Variants in TNRC6A observed in about 807,000 individuals in gnomAD.
The protein encoded by TNRC6A is trinucleotide repeat-containing gene 6A protein.
Under a neutral mutation model 221.2 loss-of-function variants are expected in TNRC6A, and 44 were observed. The ratio of observed to expected loss-of-function variants is 0.20; its 90% CI spans 0.16 to 0.26. The LOEUF is 0.26. TNRC6A is among the 10% of genes least tolerant of loss of function. TNRC6A has a pLI of 1.00. For missense variants in TNRC6A, 2,199 were observed against 2,404.4 expected (o/e 0.91, Z 1.79); for synonymous variants, 847 against 838.5 (o/e 1.01, Z -0.18).
At chr16:24,629,855 C>T (rs972314988) in intron 1 of TNRC6A, among the ~76,000 whole-genome samples, 1 of 151,964 alleles carries the variant, frequency 6.6e-6, no homozygotes, top group Middle Eastern at 3.4e-3. Flanking sequence ...CCTGTTATTC[C>T]CAGCTACTCA....
chr16:24,715,223 C>G (rs566933525), intron 2 of TNRC6A, among the ~76,000 whole-genome samples: 1 of 152,032 alleles, frequency 6.6e-6, no homozygotes, highest in Non-Finnish European at 1.5e-5. Flanking sequence ...TTAGAAATCC[C>G]TTCCTTTTAA....
intron 2 of TNRC6A, among the ~76,000 whole-genome samples, chr16:24,705,178 T>C (rs1177576214): frequency 6.6e-6 from 1 of 152,072 alleles, no homozygotes; most frequent in East Asian, 1.9e-4. Context: ...TTAATTTTGT[T>C]TTACAGAGGC....
chr16:24,773,538 G>T (rs766310675), intron 4 of TNRC6A, among the ~76,000 whole-genome samples: 25 of 152,120 alleles, frequency 1.6e-4, no homozygotes, highest in Non-Finnish European at 3.4e-4. Context: ...GTGTGTGTTT[G>T]TGCACGCGTG....
At chr16:24,779,938 G>T (rs2057804137) in intron 5 of TNRC6A, among the ~76,000 whole-genome samples, 1 of 152,146 alleles carries the variant, frequency 6.6e-6, no homozygotes, top group African/African-American at 2.4e-5. Context: ...CCATTTTGGG[G>T]CTGTGCCTCA....
chr16:24,644,783 C>T (rs953041025), intron 2 of TNRC6A, among the ~76,000 whole-genome samples: 1 of 152,134 alleles, frequency 6.6e-6, no homozygotes, highest in Non-Finnish European at 1.5e-5. Context: ...ATAACACAAA[C>T]CACACACGTA....
chr16:24,750,820 T>C lies in TNRC6A; in HGVS notation c.141+7T>C. The C allele has an allele frequency of 1.3e-6, 2 of 1,535,224 alleles. No individual in the cohort carries two copies. The highest frequency in any genetic ancestry group is 1.7e-6 in the Non-Finnish European group (2 of 1,146,348). On this transcript the variant is annotated splice_region_variant and intron_variant, in intron 3 of 24. Transcript: ENST00000395799. Reference sequence around the variant, plus strand: ...GGAAGCTGCTCAAAAGAAGGTAGTATGTGTGTAAACTATTTATATTAAGCA... The same window carrying C: ...GGAAGCTGCTCAAAAGAAGGTAGTACGTGTGTAAACTATTTATATTAAGCA...
At chr16:24,768,736 T>C (rs1171151901) in intron 4 of TNRC6A, among the ~76,000 whole-genome samples, 1 of 152,214 alleles carries the variant, frequency 6.6e-6, no homozygotes, top group East Asian at 1.9e-4. Flanking sequence ...TCTCTTAAAG[T>C]GACATCATGT....
At chr16:24,669,957 T>TTTTTTTTTTTTTTTTTTTTTTTTTG (rs2055259245) in intron 2 of TNRC6A, among the ~76,000 whole-genome samples, 1 of 109,920 alleles carries the variant, frequency 9.1e-6, no homozygotes, top group Non-Finnish European at 2.0e-5. Flanking sequence ...TTTTTTTTTT[T>TTTTTTTTTTTTTTTTTTTTTTTTTG]TTTTTTTTTT....
At chr16:24,740,736 C>G (rs986665923) in intron 2 of TNRC6A, among the ~76,000 whole-genome samples, 1 of 152,096 alleles carries the variant, frequency 6.6e-6, no homozygotes, top group African/African-American at 2.4e-5. Context: ...CAGCCATCAC[C>G]ACCATCCACC....
chr16:24,708,765 C>T (rs1319774296), intron 2 of TNRC6A, among the ~76,000 whole-genome samples: 1 of 152,186 alleles, frequency 6.6e-6, no homozygotes, highest in African/African-American at 2.4e-5. Flanking sequence ...TTTTCCATTT[C>T]TGACTTACTT....
chr16:24,786,201 GATA>G (rs1390526400), intron 5 of TNRC6A, among the ~76,000 whole-genome samples: 2 of 152,192 alleles, frequency 1.3e-5, no homozygotes, highest in African/African-American at 4.8e-5. Context: ...ACTAAAAGAT[GATA>G]ATCATTAGCA....
chr16:24,612,111 T>C (rs895502397), intron 1 of TNRC6A, among the ~76,000 whole-genome samples: 1 of 151,726 alleles, frequency 6.6e-6, no homozygotes, highest in Non-Finnish European at 1.5e-5. Flanking sequence ...TAAAATGAAA[T>C]AAAATAAAGT....
intron 2 of TNRC6A, among the ~76,000 whole-genome samples, chr16:24,708,782 G>A (rs916311044): frequency 6.6e-6 from 1 of 152,090 alleles, no homozygotes; most frequent in African/African-American, 2.4e-5. Flanking sequence ...ACTTCACTTA[G>A]AATAATGGCC....
In TNRC6A at chr16:24,759,024, ATTT is replaced by A. The variant is rs1197667264; in HGVS notation, c.163+667_163+669del. On this transcript the variant is annotated intron_variant, in intron 4 of 24. Coordinates refer to ENST00000395799, the MANE Select transcript of TNRC6A (RefSeq NM_014494.4). ...AACTTATTAAGCCTCAAGATTCTGA[ATTT>A]TTATTTTAAGCTCTATCAAAAGTAT... Among the ~76,000 whole-genome samples, 18 of 152,268 alleles carry A rather than the reference ATTT, an allele frequency of 1.2e-4. No homozygotes were observed. In the East Asian group the frequency reaches 3.3e-3, roughly 28 times the overall value.
At chr16:24,704,219 A>C (rs2056046837) in intron 2 of TNRC6A, among the ~76,000 whole-genome samples, 1 of 152,016 alleles carries the variant, frequency 6.6e-6, no homozygotes, top group African/African-American at 2.4e-5. Flanking sequence ...CTCAGTCTCC[A>C]AGTAGCTGGG....
chr16:24,724,851 C>T, upstream of TNRC6A, among the ~76,000 whole-genome samples: 1 of 152,004 alleles, frequency 6.6e-6, no homozygotes, highest in East Asian at 1.9e-4. Flanking sequence ...TATGCATGAG[C>T]CTTGCCTAAA....
intron 2 of TNRC6A, among the ~76,000 whole-genome samples, chr16:24,646,073 T>C (rs1342312463): frequency 6.6e-6 from 1 of 152,126 alleles, no homozygotes; most frequent in Non-Finnish European, 1.5e-5. Flanking sequence ...GAATCATTAC[T>C]ATTGATTTGT....
chr16:24,739,721 C>T (rs998084595), intron 2 of TNRC6A, among the ~76,000 whole-genome samples: 1 of 152,058 alleles, frequency 6.6e-6, no homozygotes, highest in Admixed American at 6.5e-5. Context: ...TCAAATGATC[C>T]ACCCGCCTCT....
intron 2 of TNRC6A, among the ~76,000 whole-genome samples, chr16:24,675,694 CTCTCTCTCTATATATA>C (rs1212643009): frequency 2.7e-4 from 22 of 81,120 alleles, no homozygotes; most frequent in African/African-American, 8.2e-4. Context: ...CTCTCTCTCT[CTCTCTCTCTATATATA>C]TATATATATA....
Sources: gnomAD v4.1 joint callset for allele counts (sites outside exome capture counted in the v4.1 genomes callset) on GRCh38, gnomAD v4.1.1 for gene constraint, MANE v1.5 for transcripts, NCBI Gene and HGNC (gene_info 2026-07-23, HGNC 2026-07-21) for gene names.